NUBPL: variants seen among roughly 807,000 people sequenced by gnomAD.
NUBPL encodes the protein iron-sulfur cluster transfer protein NUBPL.
Under a neutral mutation model 45.7 loss-of-function variants are expected in NUBPL, and 31 were observed. The observed-to-expected ratio is 0.68, with a 90% CI of 0.51 to 0.92. The LOEUF (loss-of-function observed/expected upper bound fraction) is 0.92, where lower values mean the gene tolerates loss of function less well. Among genes scored for constraint, NUBPL ranks in the 40% least tolerant of loss-of-function variants. The pLI, the probability that NUBPL is intolerant of heterozygous loss-of-function variation, is 0.00. For synonymous variants in NUBPL, 144 were observed against 140.9 expected (o/e 1.02, Z -0.15); for missense variants, 401 against 398.7 (o/e 1.01, Z -0.05).
chr14:31,736,665 A>T (rs1364578688), intron 6 of NUBPL, among the ~76,000 whole-genome samples: 1 of 152,156 alleles, frequency 6.6e-6, no homozygotes, highest in African/African-American at 2.4e-5. Flanking sequence ...ATAAACATCC[A>T]TGTGTATGTT....
intron 7 of NUBPL, among the ~76,000 whole-genome samples, chr14:31,825,975 A>G (rs1006607968): frequency 6.6e-6 from 1 of 151,762 alleles, no homozygotes; most frequent in Non-Finnish European, 1.5e-5. Context: ...GGCACATGTC[A>G]CCATGCCTGG....
At chr14:31,583,154 T>A (rs1464051448) in intron 3 of NUBPL, among the ~76,000 whole-genome samples, 2 of 152,216 alleles carry the variant, frequency 1.3e-5, no homozygotes, top group Non-Finnish European at 2.9e-5. Flanking sequence ...TTTAAATGCA[T>A]GTCTTATGAA....
chr14:31,734,564 ACT>A (rs1222789466), intron 6 of NUBPL, among the ~76,000 whole-genome samples: 2 of 151,876 alleles, frequency 1.3e-5, no homozygotes, highest in African/African-American at 4.8e-5. Context: ...TAAATTTAAG[ACT>A]CTAGCTTTTT....
intron 4 of NUBPL, among the ~76,000 whole-genome samples, chr14:31,656,594 T>G (rs181193136): frequency 6.6e-6 from 1 of 151,536 alleles, no homozygotes; most frequent in Non-Finnish European, 1.5e-5. Flanking sequence ...GAGAGAGAGA[T>G]AGGGGGATGG....
At chr14:31,637,866 G>C (rs141138556) in intron 4 of NUBPL, among the ~76,000 whole-genome samples, 78 of 152,122 alleles carry the variant, frequency 5.1e-4, no homozygotes, top group African/African-American at 1.5e-3. Flanking sequence ...CTCTTTTGAT[G>C]TTTGTTGGTT....
At chr14:31,852,583 A>G (rs1462466082) in intron 10 of NUBPL, among the ~76,000 whole-genome samples, 1 of 152,156 alleles carries the variant, frequency 6.6e-6, no homozygotes, top group Admixed American at 6.5e-5. Flanking sequence ...AGGCAGGAGA[A>G]TCACTTCATC....
intron 6 of NUBPL, among the ~76,000 whole-genome samples, chr14:31,696,765 C>T (rs1360962267): frequency 6.6e-6 from 1 of 152,130 alleles, no homozygotes; most frequent in African/African-American, 2.4e-5. Context: ...ACTAAGTGAA[C>T]ATTAGAGAAT....
At chr14:31,584,299 A>T (rs1208378044) in intron 3 of NUBPL, among the ~76,000 whole-genome samples, 2 of 151,904 alleles carry the variant, frequency 1.3e-5, no homozygotes, top group African/African-American at 4.8e-5. Context: ...TGATTTTTTA[A>T]TTTTTTGTAG....
chr14:31,597,617 A>T (rs979453855), intron 3 of NUBPL, among the ~76,000 whole-genome samples: 2 of 152,206 alleles, frequency 1.3e-5, no homozygotes, highest in African/African-American at 4.8e-5. Flanking sequence ...ATGTTAGAAG[A>T]TCAATTTGAA....
intron 8 of NUBPL, among the ~76,000 whole-genome samples, chr14:31,830,783 G>T (rs1378732704): frequency 6.6e-6 from 1 of 152,104 alleles, no homozygotes. Context: ...GGGATGTAAT[G>T]CCATCCACAT....
intron 6 of NUBPL, among the ~76,000 whole-genome samples, chr14:31,728,997 A>C (rs1019900224): frequency 6.6e-6 from 1 of 152,100 alleles, no homozygotes; most frequent in Admixed American, 6.6e-5. Flanking sequence ...TTCAACAAGT[A>C]CGGCTGGGCA....
intron 6 of NUBPL, among the ~76,000 whole-genome samples, chr14:31,750,479 G>T (rs551044897): frequency 5.3e-5 from 8 of 151,306 alleles, no homozygotes; most frequent in Non-Finnish European, 1.0e-4. Context: ...TTACAAGCGT[G>T]AGCCACCGCG....
At chr14:31,847,826 T>G (rs947718477) in intron 9 of NUBPL, among the ~76,000 whole-genome samples, 10 of 152,218 alleles carry the variant, frequency 6.6e-5, no homozygotes, top group Admixed American at 5.9e-4. Context: ...TAATGATATA[T>G]TTTGATACAT....
chr14:31,776,823 T>C (rs2039106071), intron 6 of NUBPL, among the ~76,000 whole-genome samples: 1 of 152,214 alleles, frequency 6.6e-6, no homozygotes, highest in African/African-American at 2.4e-5. Flanking sequence ...GCTGGTTAGA[T>C]AGTAGACCTT....
intron 7 of NUBPL, among the ~76,000 whole-genome samples, chr14:31,814,683 A>G (rs7153690): frequency 1 from 152,002 of 152,328 alleles, 75,840 homozygotes; most frequent in Middle Eastern, 1. Flanking sequence ...TTACACTTAA[A>G]CCTTTAATCC....
At chr14:31,805,419 A>G (rs564387101) in intron 7 of NUBPL, among the ~76,000 whole-genome samples, 35 of 152,362 alleles carry the variant, frequency 2.3e-4, no homozygotes, top group Admixed American at 1.4e-3. Context: ...TACTGGGAGT[A>G]TACCTGAAGG....
At chr14:31,598,236 T>C (rs533430275) in intron 3 of NUBPL, among the ~76,000 whole-genome samples, 1 of 152,324 alleles carries the variant, frequency 6.6e-6, no homozygotes, top group Admixed American at 6.5e-5. Context: ...ATTTACCTTA[T>C]TTTGTATGTT....
intron 6 of NUBPL, among the ~76,000 whole-genome samples, chr14:31,698,023 A>G (rs1034298689): frequency 1.3e-5 from 2 of 152,142 alleles, no homozygotes; most frequent in African/African-American, 4.8e-5. Flanking sequence ...ATTATTGGGG[A>G]CTTCCAGTAC....
chr14:31,830,261 C>G (rs1284009650), intron 8 of NUBPL, among the ~76,000 whole-genome samples: 1 of 152,096 alleles, frequency 6.6e-6, no homozygotes. Context: ...CTTCTATAAG[C>G]AAAGTGCTAT....
Sources: allele counts gnomAD v4.1 joint callset (sites outside exome capture counted in the v4.1 genomes callset), GRCh38; gene constraint gnomAD v4.1.1; transcripts MANE v1.5; gene names NCBI Gene and HGNC (gene_info 2026-07-23, HGNC 2026-07-21).